The following ZNF474 variants were observed in gnomAD, a reference collection of about 807,000 sequenced individuals.
ZNF474 encodes 4933409D10Rik.
For missense variants in ZNF474, 511 were observed against 433.8 expected (o/e 1.18, Z -1.58); for synonymous variants, 192 against 162.2 (o/e 1.18, Z -1.39).
intron 1 of ZNF474, among the ~76,000 whole-genome samples, chr5:122,142,253 C>T (rs988279018): frequency 6.6e-6 from 1 of 152,068 alleles, no homozygotes; most frequent in African/African-American, 2.4e-5. Context: ...GAAAAAAGAC[C>T]CTGTTGAAAA....
At chr5:122,130,706 A>C (rs1037346158) in intron 1 of ZNF474, among the ~76,000 whole-genome samples, 8 of 152,042 alleles carry the variant, frequency 5.3e-5, no homozygotes, top group African/African-American at 1.9e-4. Flanking sequence ...AGCTTTATTG[A>C]GGTATGACTG....
chr5:122,141,159 TA>T (rs1443853198), intron 1 of ZNF474, among the ~76,000 whole-genome samples: 1,932 of 39,548 alleles, frequency 0.049, 171 homozygotes, highest in Middle Eastern at 0.11. Flanking sequence ...TATTTTATTT[TA>T]TTTTATTTTA....
At chr5:122,141,298 C>CTTTTTTT (rs1755838890) in intron 1 of ZNF474, among the ~76,000 whole-genome samples, 7 of 102,184 alleles carry the variant, frequency 6.9e-5, no homozygotes, top group African/African-American at 2.6e-4. Context: ...TTACCCCTGG[C>CTTTTTTT]TATTTTTTTT....
rs560615383 is a variant in ZNF474 at position 122,152,063 on chromosome 5, T to C, written c.73T>C (p.Phe25Leu). The stretch of plus-strand genomic sequence containing the variant: ...TTTTCACCATTCTAAAGAACCCACT[T>C]TCCTTATCAACCAAGCTGGGCTTCT... ...QTFHHSKEPT[F>L]LINQAGLLSS... Residue 25 changes from phenylalanine (F) to leucine (L), a missense_variant, in exon 2 of 2, where the codon TTC becomes CTC. Transcript: ENST00000296600. 4.3e-6 allele frequency: 7 copies of C among 1,614,138 alleles called. No homozygotes were observed. In the South Asian group the frequency reaches 7.7e-5, roughly 18 times the overall value.
At chr5:122,144,892 T>G (rs1301276398) in intron 1 of ZNF474, among the ~76,000 whole-genome samples, 1 of 152,230 alleles carries the variant, frequency 6.6e-6, no homozygotes, top group Admixed American at 6.5e-5. Context: ...CTGTGTGGCA[T>G]TCATGACTCT....
intron 1 of ZNF474, among the ~76,000 whole-genome samples, chr5:122,145,479 T>C (rs911440154): frequency 1.2e-4 from 18 of 152,118 alleles, no homozygotes; most frequent in African/African-American, 3.9e-4. Flanking sequence ...CTGGTCATCT[T>C]TGGTCTATGA....
intron 1 of ZNF474, among the ~76,000 whole-genome samples, chr5:122,131,951 G>C (rs1368053965): frequency 6.6e-6 from 1 of 151,900 alleles, no homozygotes; most frequent in Non-Finnish European, 1.5e-5. Flanking sequence ...AACCAACAAA[G>C]ACGTAAATAT....
At chr5:122,144,297 T>G (rs1033013970) in intron 1 of ZNF474, among the ~76,000 whole-genome samples, 2 of 152,176 alleles carry the variant, frequency 1.3e-5, no homozygotes, top group African/African-American at 4.8e-5. Flanking sequence ...TTTCAATATT[T>G]AATTAAGAAG....
At chr5:122,146,492 G>A (rs1407803338) in intron 1 of ZNF474, among the ~76,000 whole-genome samples, 1 of 151,840 alleles carries the variant, frequency 6.6e-6, no homozygotes, top group Non-Finnish European at 1.5e-5. Flanking sequence ...TATTTAATAA[G>A]TCAATTCTGC....
intron 1 of ZNF474, among the ~76,000 whole-genome samples, chr5:122,139,192 A>G (rs75655397): frequency 0.064 from 9,724 of 152,270 alleles, 442 homozygotes; most frequent in East Asian, 0.15. Flanking sequence ...CCTGTTTCCA[A>G]TGTAAAATAC....
chr5:122,137,780 T>TGA (rs900488504), intron 1 of ZNF474, among the ~76,000 whole-genome samples: 1 of 152,158 alleles, frequency 6.6e-6, no homozygotes, highest in Non-Finnish European at 1.5e-5. Flanking sequence ...GATTTTATTT[T>TGA]GAGAGTAGTG....
At chr5:122,131,841 T>A (rs550596698) in intron 1 of ZNF474, among the ~76,000 whole-genome samples, 1 of 152,224 alleles carries the variant, frequency 6.6e-6, no homozygotes, top group South Asian at 2.1e-4. Context: ...ACATTTTTTC[T>A]TTTTAATGTC....
chr5:122,152,380 T>C lies in ZNF474; in HGVS notation c.390T>C (p.His130=), dbSNP rs781626024. The C allele has an allele frequency of 6.2e-7, 1 of 1,614,136 alleles. No homozygotes were observed. The highest frequency in any genetic ancestry group is 1.1e-5 in the South Asian group (1 of 91,078). ...WHIENSKLPK[H]LRRPEPSKPQ... ...TTGAAAACAGCAAGTTGCCCAAGCA[T>C]TTGAGGAGGCCAGAACCCTCCAAAC... Residue 130 remains histidine (H), a synonymous_variant, in exon 2 of 2, where the codon CAT becomes CAC. Coordinates refer to ENST00000296600, the MANE Select transcript of ZNF474 (RefSeq NM_207317.3).
intron 1 of ZNF474, among the ~76,000 whole-genome samples, chr5:122,151,397 T>C (rs956927354): frequency 4.6e-5 from 7 of 152,186 alleles, no homozygotes; most frequent in Non-Finnish European, 8.8e-5. Context: ...TATGACCTGC[T>C]GATTTCATTA....
intron 1 of ZNF474, among the ~76,000 whole-genome samples, chr5:122,135,346 G>T (rs898103531): frequency 2.0e-5 from 3 of 151,926 alleles, no homozygotes; most frequent in Non-Finnish European, 4.4e-5. Context: ...ATGGGCAAAA[G>T]GTCTATATAC....
chr5:122,135,818 A>G (rs1461835603), intron 1 of ZNF474, among the ~76,000 whole-genome samples: 1 of 152,200 alleles, frequency 6.6e-6, no homozygotes, highest in Non-Finnish European at 1.5e-5. Flanking sequence ...CCATAAAAAG[A>G]GTAAAATCCT....
intron 1 of ZNF474, among the ~76,000 whole-genome samples, chr5:122,139,793 G>A (rs1350844640): frequency 1.3e-5 from 2 of 152,172 alleles, no homozygotes; most frequent in Admixed American, 6.5e-5. Context: ...ACATCTGCAC[G>A]TTCCTGCCCT....
At chr5:122,131,904 A>T (rs757125020) in intron 1 of ZNF474, among the ~76,000 whole-genome samples, 9 of 152,086 alleles carry the variant, frequency 5.9e-5, no homozygotes, top group Non-Finnish European at 1.0e-4. Flanking sequence ...TTTTAAGTAC[A>T]AAATTTGATG....
intron 1 of ZNF474, among the ~76,000 whole-genome samples, chr5:122,134,223 AAAG>A (rs1469024862): frequency 5.3e-5 from 8 of 152,166 alleles, no homozygotes; most frequent in African/African-American, 1.9e-4. Context: ...GGGAGAATAT[AAAG>A]AAGGCAAGTT....
Sources: gnomAD v4.1 joint callset for allele counts (sites outside exome capture counted in the v4.1 genomes callset) on GRCh38, gnomAD v4.1.1 for gene constraint, MANE v1.5 for transcripts, NCBI Gene and HGNC (gene_info 2026-07-23, HGNC 2026-07-21) for gene names.